ADGRB3: variants seen among roughly 807,000 people sequenced by gnomAD.
The protein encoded by ADGRB3 is brain-specific angiogenesis inhibitor 3.
ADGRB3 carries 37 observed loss-of-function variants against 193.4 expected under a neutral mutation model. That is an observed-to-expected ratio of 0.19 (90% CI 0.15 to 0.25). The LOEUF (loss-of-function observed/expected upper bound fraction) is 0.25, where lower values mean the gene tolerates loss of function less well. Ranked by LOEUF, ADGRB3 falls within the 10% of genes least tolerant of loss-of-function variation. ADGRB3 has a pLI of 1.00. For synonymous variants in ADGRB3, 690 were observed against 644.2 expected (o/e 1.07, Z -1.08); for missense variants, 1,637 against 1,852.9 (o/e 0.88, Z 2.14).
intron 3 of ADGRB3, among the ~76,000 whole-genome samples, chr6:68,831,268 G>A (rs1326832813): frequency 1.3e-5 from 2 of 148,618 alleles, no homozygotes; most frequent in African/African-American, 2.5e-5. Flanking sequence ...TCACTTAGGC[G>A]GCGGGAAAAT....
At chr6:68,778,960 GGTAAT>G (rs1766801676) in intron 3 of ADGRB3, among the ~76,000 whole-genome samples, 1 of 151,996 alleles carries the variant, frequency 6.6e-6, no homozygotes, top group Non-Finnish European at 1.5e-5. Context: ...ATAAGCCAAT[GGTAAT>G]GCAGCAAACA....
intron 20 of ADGRB3, among the ~76,000 whole-genome samples, chr6:69,256,064 CTCTGTTTTGGTACCAGTACCAT>C (rs1766762553): frequency 6.6e-6 from 1 of 151,598 alleles, no homozygotes; most frequent in African/African-American, 2.4e-5. Flanking sequence ...TGATCTATAT[CTCTGTTTTGGTACCAGTACCAT>C]GCTGTTTTGG....
intron 3 of ADGRB3, among the ~76,000 whole-genome samples, chr6:68,744,976 G>T (rs1180938020): frequency 6.6e-6 from 1 of 152,044 alleles, no homozygotes; most frequent in Non-Finnish European, 1.5e-5. Context: ...GCAGGAATAG[G>T]CCTCAAATAC....
At chr6:68,874,998 A>C (rs1250843333) in intron 3 of ADGRB3, among the ~76,000 whole-genome samples, 1 of 152,138 alleles carries the variant, frequency 6.6e-6, no homozygotes, top group Non-Finnish European at 1.5e-5. Flanking sequence ...CACAAGCATC[A>C]GTTTGGGTAA....
At chr6:69,288,791 T>A (rs1386816233) in intron 20 of ADGRB3, among the ~76,000 whole-genome samples, 2 of 152,174 alleles carry the variant, frequency 1.3e-5, no homozygotes. Context: ...TTTCTGTTGA[T>A]AACAGTGGAA....
chr6:68,783,679 C>A (rs1766904239), intron 3 of ADGRB3, among the ~76,000 whole-genome samples: 1 of 151,774 alleles, frequency 6.6e-6, no homozygotes, highest in African/African-American at 2.4e-5. Context: ...GAAGGCACAT[C>A]ATAGTCAAGA....
At chr6:69,229,103 C>G (rs550445566) in intron 17 of ADGRB3, among the ~76,000 whole-genome samples, 6 of 152,106 alleles carry the variant, frequency 3.9e-5, no homozygotes, top group Admixed American at 3.3e-4. Flanking sequence ...AGTAAAACTT[C>G]CTGATTTTAT....
chr6:68,998,724 A>G (rs558961013), intron 11 of ADGRB3, among the ~76,000 whole-genome samples: 8 of 152,348 alleles, frequency 5.3e-5, no homozygotes, highest in Admixed American at 4.6e-4. Context: ...AACAAAGGAA[A>G]TAATTTATGA....
chr6:69,086,146 A>G (rs1333526589), intron 17 of ADGRB3, among the ~76,000 whole-genome samples: 1 of 152,128 alleles, frequency 6.6e-6, no homozygotes, highest in African/African-American at 2.4e-5. Flanking sequence ...AAAGAATGAA[A>G]ACTAAAGATG....
At chr6:69,170,456 G>A (rs7758539) in intron 17 of ADGRB3, among the ~76,000 whole-genome samples, 275 of 152,166 alleles carry the variant, frequency 1.8e-3, no homozygotes, top group African/African-American at 6.2e-3. Flanking sequence ...TTCTAGAATA[G>A]GCCTATCTGT....
chr6:69,249,754 T>G (rs1199474655), intron 20 of ADGRB3, among the ~76,000 whole-genome samples: 17 of 152,122 alleles, frequency 1.1e-4, no homozygotes, highest in Admixed American at 1.1e-3. Context: ...CAAACACTAA[T>G]GCCTATAATA....
intron 3 of ADGRB3, among the ~76,000 whole-genome samples, chr6:68,787,748 C>G (rs1291500915): frequency 6.6e-6 from 1 of 151,918 alleles, no homozygotes; most frequent in Non-Finnish European, 1.5e-5. Flanking sequence ...CCTATTTGTA[C>G]CTCTGGTAGA....
intron 17 of ADGRB3, among the ~76,000 whole-genome samples, chr6:69,182,833 T>C (rs1450372007): frequency 6.6e-6 from 1 of 152,116 alleles, no homozygotes; most frequent in East Asian, 1.9e-4. Flanking sequence ...GCTATCATCA[T>C]AACATTGCTG....
intron 28 of ADGRB3, 70 bp downstream of exon 28, chr6:69,355,930 A>G: frequency 7.6e-7 from 1 of 1,322,296 alleles, no homozygotes; most frequent in African/African-American, 1.5e-5. Context: ...TTTAATTTTA[A>G]AGAAAATGCT....
At chr6:68,766,807 A>G (rs1278241606) in intron 3 of ADGRB3, among the ~76,000 whole-genome samples, 2 of 151,952 alleles carry the variant, frequency 1.3e-5, no homozygotes, top group Non-Finnish European at 2.9e-5. Flanking sequence ...GTTGCAGCTT[A>G]TTTATGCTGC....
chr6:68,837,240 A>T (rs1768063820), intron 3 of ADGRB3, among the ~76,000 whole-genome samples: 1 of 152,216 alleles, frequency 6.6e-6, no homozygotes, highest in Non-Finnish European at 1.5e-5. Context: ...CTGGGTTCAT[A>T]AACCTGCTGC....
chr6:69,089,682 C>T (rs1772650433), intron 17 of ADGRB3, among the ~76,000 whole-genome samples: 1 of 152,318 alleles, frequency 6.6e-6, no homozygotes, highest in Middle Eastern at 3.4e-3. Context: ...TGTACTTCAC[C>T]TCCTGTACTG....
intron 20 of ADGRB3, among the ~76,000 whole-genome samples, chr6:69,312,842 T>C (rs370347215): frequency 5.3e-5 from 8 of 151,914 alleles, no homozygotes; most frequent in South Asian, 2.1e-4. Flanking sequence ...ATGTGTGTTA[T>C]TCTTTTGAGA....
chr6:69,217,606 C>T (rs1483799808), intron 17 of ADGRB3, among the ~76,000 whole-genome samples: 1 of 152,134 alleles, frequency 6.6e-6, no homozygotes, highest in Non-Finnish European at 1.5e-5. Flanking sequence ...CAGGGTGTCG[C>T]CCAGCCCCAT....
Sources: gnomAD v4.1 joint callset for allele counts (sites outside exome capture counted in the v4.1 genomes callset) on GRCh38, gnomAD v4.1.1 for gene constraint, MANE v1.5 for transcripts, NCBI Gene and HGNC (gene_info 2026-07-23, HGNC 2026-07-21) for gene names.